XYLB: variants seen among roughly 807,000 people sequenced by gnomAD.
XYLB encodes xylulokinase, also known as xylulose kinase.
Under a neutral mutation model 78.7 loss-of-function variants are expected in XYLB, and 62 were observed. The ratio of observed to expected loss-of-function variants is 0.79; its 90% CI spans 0.64 to 0.97. XYLB has a LOEUF of 0.97. XYLB is among the 50% of genes least tolerant of loss of function. The pLI is 0.00. For missense variants in XYLB, 687 were observed against 676.8 expected, an observed-to-expected ratio of 1.02 and a Z score of -0.17; for synonymous variants, 245 against 247.4, an observed-to-expected ratio of 0.99 and a Z score of 0.09.
At chr3:38,380,212 C>T (rs1489307608) in intron 15 of XYLB, among the ~76,000 whole-genome samples, 2 of 152,194 alleles carry the variant, frequency 1.3e-5, no homozygotes, top group Non-Finnish European at 2.9e-5. Context: ...AAAGCTTCAA[C>T]ATGAGTTTTG....
At chr3:38,360,237 C>T (rs1210634945) in intron 2 of XYLB, 102 bp from the exon 3 acceptor site, 3 of 1,111,802 alleles carry the variant, frequency 2.7e-6, no homozygotes, top group African/African-American at 1.5e-5. Flanking sequence ...GGTTCTCCTT[C>T]ATCTGGACAT....
chr3:38,354,336 G>A (rs566063090), intron 2 of XYLB, among the ~76,000 whole-genome samples: 274 of 152,102 alleles, frequency 1.8e-3, no homozygotes, highest in Non-Finnish European at 2.8e-3. Context: ...CTGAAGTGCT[G>A]GGATTACAGG....
intron 10 of XYLB, among the ~76,000 whole-genome samples, chr3:38,373,253 G>A (rs942837507): frequency 2.9e-4 from 44 of 152,002 alleles, no homozygotes; most frequent in African/African-American, 8.5e-4. Flanking sequence ...TCCTGGAGGG[G>A]CCCTTGGATC....
At chr3:38,369,469 G>A (rs1259239581) in intron 8 of XYLB, among the ~76,000 whole-genome samples, 1 of 152,070 alleles carries the variant, frequency 6.6e-6, no homozygotes, top group African/African-American at 2.4e-5. Context: ...ATTTCACCTG[G>A]GCAGGTGACA....
At chr3:38,358,135 TA>T (rs1278865934) in intron 2 of XYLB, among the ~76,000 whole-genome samples, 1 of 145,470 alleles carries the variant, frequency 6.9e-6, no homozygotes, top group Non-Finnish European at 1.5e-5. Flanking sequence ...TTCACTAAAA[TA>T]ATTGGAAAAA....
the XYLB span, among the ~76,000 whole-genome samples, chr3:38,447,684 C>T: frequency 2.4e-4 from 36 of 152,036 alleles, no homozygotes; most frequent in African/African-American, 7.7e-4. Context: ...GGAAAACAAC[C>T]GTATAGAGAG....
chr3:38,443,233 G>A, the XYLB span, among the ~76,000 whole-genome samples: 2 of 152,164 alleles, frequency 1.3e-5, no homozygotes, highest in African/African-American at 2.4e-5. Flanking sequence ...TCCCTCAATA[G>A]TTAAATGTAC....
intron 9 of XYLB, among the ~76,000 whole-genome samples, chr3:38,371,278 T>G (rs1267540065): frequency 6.7e-6 from 1 of 148,828 alleles, no homozygotes; most frequent in Non-Finnish European, 1.5e-5. Context: ...ACAGCTAATT[T>G]TTTTTTTTTT....
At chr3:38,411,437 G>A (rs1353299474) in intron 18 of XYLB, among the ~76,000 whole-genome samples, 5 of 151,880 alleles carry the variant, frequency 3.3e-5, no homozygotes, top group Non-Finnish European at 7.4e-5. Flanking sequence ...GCTAAATGAC[G>A]AGTTAATGAG....
rs1022859381 is a variant in XYLB, at chr3:38,379,153, G to A, written c.1195-93G>A. The A allele has an allele frequency of 1.1e-5, 15 of 1,309,952 alleles. No homozygotes were observed. The East Asian group carries it at 1.6e-4, about 14-fold the overall frequency. 81.1% of individuals were successfully genotyped at this position (1,309,952 alleles called of 1,614,324 possible). On this transcript the variant is annotated intron_variant, in intron 14 of 18. Coordinates refer to ENST00000207870, the MANE Select transcript of XYLB (RefSeq NM_005108.4). Reference sequence around the variant, plus strand: ...CAGCTATGAGTTTCAAATCTGGGCTGTTGTTTAAAAAGATCACACACAGAC... The same window carrying A: ...CAGCTATGAGTTTCAAATCTGGGCTATTGTTTAAAAAGATCACACACAGAC...
chr3:38,386,760 T>C (rs959172266), intron 15 of XYLB, among the ~76,000 whole-genome samples: 1 of 152,188 alleles, frequency 6.6e-6, no homozygotes, highest in Non-Finnish European at 1.5e-5. Context: ...TCTTCCGGGC[T>C]AAAGGGAAAA....
intron 11 of XYLB, among the ~76,000 whole-genome samples, chr3:38,374,735 C>A (rs559851591): frequency 6.6e-6 from 1 of 152,110 alleles, no homozygotes; most frequent in Non-Finnish European, 1.5e-5. Flanking sequence ...ATGGGCAGGA[C>A]CCCTGCCTGC....
chr3:38,353,852 A>G (rs1404538524), intron 2 of XYLB, among the ~76,000 whole-genome samples: 1 of 142,414 alleles, frequency 7.0e-6, no homozygotes, highest in East Asian at 2.3e-4. Flanking sequence ...GTGCCACTGC[A>G]TTCCAGCCTG....
At chr3:38,376,862 G>T in intron 13 of XYLB, 56 bp from the exon 14 acceptor site, 1 of 1,500,768 alleles carries the variant, frequency 6.7e-7, no homozygotes, top group Non-Finnish European at 9.3e-7. Context: ...CTGTTAAGAA[G>T]CTGATCTTTT....
chr3:38,428,938 C>T, the XYLB span, among the ~76,000 whole-genome samples: 2 of 152,192 alleles, frequency 1.3e-5, no homozygotes, highest in Non-Finnish European at 2.9e-5. Flanking sequence ...AAATGCTGCT[C>T]AGGTTCCTCT....
chr3:38,363,565 G>A (rs1303308222), intron 4 of XYLB, among the ~76,000 whole-genome samples: 1 of 152,156 alleles, frequency 6.6e-6, no homozygotes, highest in Non-Finnish European at 1.5e-5. Flanking sequence ...AGGGCATACT[G>A]TCTGGGTTTG....
At chr3:38,352,613 C>T (rs776154210) in intron 2 of XYLB, among the ~76,000 whole-genome samples, 19 of 152,182 alleles carry the variant, frequency 1.2e-4, no homozygotes, top group Non-Finnish European at 2.6e-4. Context: ...TCAAGACCAG[C>T]CTAGGCAATA....
intron 8 of XYLB, among the ~76,000 whole-genome samples, chr3:38,369,479 A>G (rs1157288997): frequency 6.6e-6 from 1 of 152,130 alleles, no homozygotes; most frequent in East Asian, 1.9e-4. Context: ...GGCAGGTGAC[A>G]CCATCAGCAT....
chr3:38,442,713 C>T, the XYLB span, among the ~76,000 whole-genome samples: 1 of 139,040 alleles, frequency 7.2e-6, no homozygotes, highest in South Asian at 2.3e-4. Flanking sequence ...GTTGCAGGGA[C>T]TGCTGCATTT....
Sources: allele counts gnomAD v4.1 joint callset (sites outside exome capture counted in the v4.1 genomes callset), GRCh38; gene constraint gnomAD v4.1.1; transcripts MANE v1.5; gene names NCBI Gene and HGNC (gene_info 2026-07-23, HGNC 2026-07-21).